ATP1A4: variants seen among roughly 807,000 people sequenced by gnomAD.
ATP1A4 encodes the protein sodium/potassium-transporting ATPase subunit alpha-4.
Under a neutral mutation model 114.3 loss-of-function variants are expected in ATP1A4, and 90 were observed. The observed-to-expected ratio is 0.79, with a 90% confidence interval of 0.66 to 0.94. ATP1A4 has a LOEUF of 0.94. ATP1A4 is among the 40% of genes least tolerant of loss of function. ATP1A4 has a pLI of 0.00. For synonymous variants in ATP1A4, 511 were observed against 494.1 expected (o/e 1.03, Z -0.45); for missense variants, 1,222 against 1,313.6 (o/e 0.93, Z 1.08).
chr1:160,174,292 T>C, intron 14 of ATP1A4, 31 bp downstream of exon 14: 1 of 1,613,842 alleles, frequency 6.2e-7, no homozygotes, highest in South Asian at 1.1e-5. Flanking sequence ...CCAAGGAAAC[T>C]GGCAGAACTC....
intron 6 of ATP1A4, among the ~76,000 whole-genome samples, chr1:160,161,757 G>A (rs1038889175): frequency 1.3e-5 from 2 of 152,130 alleles, no homozygotes; most frequent in African/African-American, 4.8e-5. Flanking sequence ...CTCGGCCTGG[G>A]AATCTTTTCA....
rs1200194948 is a variant in ATP1A4 at position 160,186,780 on chromosome 1, A to G, written c.*81A>G. 8 of 1,386,100 alleles carry G rather than the reference A, an allele frequency of 5.8e-6. No homozygotes were observed. The African/African-American group carries it at 1.0e-4, about 17-fold the overall frequency. 85.9% of individuals were successfully genotyped at this position (1,386,100 alleles called of 1,614,324 possible). A position where few individuals can be genotyped will look rare whatever the true frequency, so the allele number is the denominator to read the frequency against. On this transcript the variant is annotated 3_prime_UTR_variant, in exon 22 of 22. Coordinates refer to ENST00000368081, the MANE Select transcript of ATP1A4 (RefSeq NM_144699.4). ...GGCCAGAGATTATAAGTTTGACACA[A>G]CATCTGAGACACTAGGATGAATTAT...
At position 160,176,584 on chromosome 1, in the gene ATP1A4, A is replaced by G. The variant is rs1482588110; in HGVS notation, c.2572A>G (p.Met858Val). The change falls in exon 17 of 22, where the codon ATG becomes GTG. Residue 858 changes from methionine to valine, a missense_variant. Transcript: ENST00000368081. ...DNLVNHRLIG[M>V]AYGQIGMIQA... is the part of the protein sequence containing the mutation. The stretch of plus-strand genomic sequence containing the variant: ...TCTGGTGAACCACCGTCTCATTGGC[A>G]TGGCCTATGGACAGATTGGTGCGCC... 1 of 1,614,158 alleles carries G rather than the reference A, an allele frequency of 6.2e-7. No individual in the cohort carries two copies. The highest frequency in any genetic ancestry group is 1.7e-5 in the Admixed American group (1 of 60,024).
chr1:160,171,476 C>T (rs1653255535), intron 11 of ATP1A4, 36 bp downstream of exon 11: 1 of 1,608,392 alleles, frequency 6.2e-7, no homozygotes, highest in Non-Finnish European at 8.5e-7. Flanking sequence ...AAAAGAATGG[C>T]ATCAAAATGG....
Position 160,156,124 on chromosome 1 carries a change from A to G in ATP1A4, c.491A>G (p.Lys164Arg). ...FSYYQEAKSS[K>R]IMESFKNMVP... ...TATTATCAGGAGGCCAAGAGCTCCA[A>G]GATCATGGAGTCTTTTAAGAACATG... Residue 164 changes from lysine (K) to arginine (R), a missense_variant, in exon 4 of 22, where the codon AAG becomes AGG. Physicochemically the swap from Lys to Arg is conservative, Grantham distance 26. Coordinates refer to ENST00000368081, the MANE Select transcript of ATP1A4 (RefSeq NM_144699.4). The G allele has an allele frequency of 6.2e-7, 1 of 1,613,846 alleles. No individual in the cohort carries two copies. The highest frequency in any genetic ancestry group is 1.1e-5 in the South Asian group (1 of 91,076).
chr1:160,154,463 G>C (rs1166696983), intron 2 of ATP1A4, among the ~76,000 whole-genome samples: 3 of 152,096 alleles, frequency 2.0e-5, no homozygotes, highest in Non-Finnish European at 4.4e-5. Flanking sequence ...TCAAATCAGG[G>C]TATTTAGGAT....
intron 18 of ATP1A4, among the ~76,000 whole-genome samples, chr1:160,178,588 T>A (rs890210361): frequency 2.6e-5 from 4 of 151,810 alleles, no homozygotes; most frequent in Admixed American, 6.6e-5. Flanking sequence ...GGCAGGAGAA[T>A]CACTTGATCC....
At chr1:160,159,252 G>A in intron 5 of ATP1A4, 116 bp downstream of exon 5, 1 of 1,455,162 alleles carries the variant, frequency 6.9e-7, no homozygotes, top group Non-Finnish European at 9.3e-7. Flanking sequence ...GAAGTTACAA[G>A]TGCAGATTTG....
chr1:160,183,086 C>T (rs1183945378), intron 20 of ATP1A4: 2 of 152,206 alleles, frequency 1.3e-5, no homozygotes, highest in South Asian at 2.1e-4. Flanking sequence ...TAATAGGAGA[C>T]ATTGGCACTG....
chr1:160,162,698 T>A lies in ATP1A4; in HGVS notation c.779-1458T>A, dbSNP rs531659858. 5.3e-5 allele frequency among the ~76,000 whole-genome samples: 8 copies of A among 152,220 alleles called. No homozygotes were observed. In the East Asian group the frequency reaches 1.5e-3, roughly 29 times the overall value. On this transcript the variant is annotated intron_variant, in intron 6 of 21. Coordinates refer to ENST00000368081, the MANE Select transcript of ATP1A4 (RefSeq NM_144699.4). ...AAAAATGTCTCCAAGCATTGCCAAA[T>A]GTCCCCAGGGAAGGGGGTTGGTGGG...
intron 17 of ATP1A4, 85 bp from the exon 18 acceptor site, chr1:160,177,434 C>T: frequency 6.8e-7 from 1 of 1,479,326 alleles, no homozygotes; most frequent in South Asian, 1.2e-5. Context: ...AGAAGCAAGT[C>T]CCAGCCCCCA....
At chr1:160,177,787 T>A in intron 18 of ATP1A4, 123 bp downstream of exon 18, 1 of 1,096,038 alleles carries the variant, frequency 9.1e-7, no homozygotes, top group Non-Finnish European at 1.3e-6. Flanking sequence ...GCTGATGCCT[T>A]TTCTTCAGTC....
Position 160,171,042 on chromosome 1 carries a change from C to T in ATP1A4, c.1492-209C>T, listed in dbSNP as rs1313263235. The T allele has an allele frequency of 6.2e-6, 3 of 483,918 alleles. No homozygotes were observed. The East Asian group carries it at 9.4e-5, about 15-fold the overall frequency. The allele number at this position is 483,918 out of a possible 1,614,324, so 30.0% of individuals were successfully genotyped here. On this transcript the variant is annotated intron_variant, in intron 10 of 21. Transcript: ENST00000368081. ...TCAGGCTGAGAAGATAATGGAGATT[C>T]CTGTGCAAATAATACCAGGCTGCAG...
chr1:160,155,004 T>C (rs1571008735), intron 2 of ATP1A4, 41 bp from the exon 3 acceptor site: 1 of 1,593,142 alleles, frequency 6.3e-7, no homozygotes, highest in East Asian at 2.2e-5. Flanking sequence ...CTGTTCCTCT[T>C]TTCACAGCTC....
At position 160,156,053 on chromosome 1, in the gene ATP1A4, G is replaced by A; in HGVS notation, c.420G>A (p.Leu140=). ...NEEPTKDNLY[L]SIVLSVVVIV... ...TCTTTCCCCACCCTCAGCTCTACCT[G>A]AGCATCGTACTGTCCGTCGTGGTCA... The change falls in exon 4 of 22, where the codon CTG becomes CTA. Residue 140 remains leucine, a synonymous_variant. Coordinates refer to ENST00000368081, the MANE Select transcript of ATP1A4 (RefSeq NM_144699.4). 1 of 1,610,686 alleles carries A rather than the reference G, an allele frequency of 6.2e-7. No homozygotes were observed. Among genetic ancestry groups the A allele is most frequent in the Non-Finnish European group, 8.5e-7 (1 of 1,176,916 alleles).
rs766054029 is a variant in ATP1A4 at position 160,181,676 on chromosome 1, G to T, written c.2737-8G>T. ...TGACACTGTTTCCTCTCTCCCTGCT[G>T]TCTCTAGACCTATGAGCAACGAAAA... On this transcript the variant is annotated splice_region_variant and splice_polypyrimidine_tract_variant and intron_variant, in intron 18 of 21. Coordinates refer to ENST00000368081, the MANE Select transcript of ATP1A4 (RefSeq NM_144699.4). The T allele has an allele frequency of 6.2e-7, 1 of 1,613,886 alleles. No homozygotes were observed. The highest frequency in any genetic ancestry group is 2.2e-5 in the East Asian group (1 of 44,892).
At chr1:160,152,702 A>G (rs1233982555) in intron 1 of ATP1A4, among the ~76,000 whole-genome samples, 1 of 151,978 alleles carries the variant, frequency 6.6e-6, no homozygotes. Flanking sequence ...TCTGGCCCGA[A>G]CCCCCGTGAA....
rs569475320 is a variant in ATP1A4, at chr1:160,152,101, C to G, written c.61C>G (p.Pro21Ala). Residue 21 changes from proline (P) to alanine (A), a missense_variant, in exon 1 of 22, where the codon CCT becomes GCT. Coordinates refer to ENST00000368081, the MANE Select transcript of ATP1A4 (RefSeq NM_144699.4). ...APHDQSPRRR[P>A]KKGLIKKKMV... ...CCATGACCAGAGTCCAAGACGAAGA[C>G]CTAAAAAAGGGCTTATCAAGAAAAA... The G allele has an allele frequency of 6.2e-7, 1 of 1,613,778 alleles. No homozygotes were observed. Among genetic ancestry groups the G allele is most frequent in the Non-Finnish European group, 8.5e-7 (1 of 1,179,916 alleles).
chr1:160,158,737 T>A (rs1470329378), intron 4 of ATP1A4, among the ~76,000 whole-genome samples: 2 of 152,150 alleles, frequency 1.3e-5, no homozygotes, highest in Non-Finnish European at 2.9e-5. Context: ...CCAAAGCAAG[T>A]CACGTGGTCA....
Sources: allele counts gnomAD v4.1 joint callset (sites outside exome capture counted in the v4.1 genomes callset), GRCh38; gene constraint gnomAD v4.1.1; transcripts MANE v1.5; gene names NCBI Gene and HGNC (gene_info 2026-07-23, HGNC 2026-07-21).